Variants in CDH18 observed in about 807,000 individuals in gnomAD.
CDH18 encodes cadherin-18.
In CDH18, 31 loss-of-function variants were observed where a neutral mutation model predicts 67.9. The observed-to-expected ratio is 0.46, with a 90% CI of 0.34 to 0.62. The LOEUF is 0.62. Ranked by LOEUF, CDH18 falls within the 20% of genes least tolerant of loss-of-function variation. The probability of loss-of-function intolerance (pLI) is 0.01; values close to 1 mark genes in which losing one functional copy is unlikely to be tolerated. For synonymous variants in CDH18, 362 were observed against 347.2 expected, an observed-to-expected ratio of 1.04 and a Z score of -0.48; for missense variants, 890 against 975.5, an observed-to-expected ratio of 0.91 and a Z score of 1.17.
In CDH18 at chr5:20,024,489, T is replaced by C. The variant is rs74946331; in HGVS notation, c.-517-32475A>G. On this transcript the variant is annotated intron_variant, in intron 2 of 14. Coordinates refer to the CDH18 transcript ENST00000507958. ...GAGGGAGTGATATTCAGCACATTTT[T>C]AAACTATAGAAACATGTTGGCCAGT... Among the ~76,000 whole-genome samples, 2,681 of 152,206 alleles carry C rather than the reference T, an allele frequency of 0.018. 173 individuals are homozygous for C. The East Asian group carries it at 0.25, about 14-fold the overall frequency.
intron 5 of CDH18, among the ~76,000 whole-genome samples, chr5:19,694,668 TG>T (rs1762315936): frequency 2.0e-5 from 3 of 151,786 alleles, no homozygotes; most frequent in Non-Finnish European, 4.4e-5. Flanking sequence ...TGTGTGTGTG[TG>T]TGTGTGTCTG....
chr5:20,289,815 A>G (rs1458170308), intron 1 of CDH18, among the ~76,000 whole-genome samples: 2 of 152,040 alleles, frequency 1.3e-5, no homozygotes, highest in South Asian at 2.1e-4. Context: ...ATATCTGTCA[A>G]TAGGGTCACC....
chr5:19,956,083 C>T (rs1011720230), intron 2 of CDH18, among the ~76,000 whole-genome samples: 4 of 151,860 alleles, frequency 2.6e-5, no homozygotes, highest in Non-Finnish European at 5.9e-5. Flanking sequence ...TTTATAGTAT[C>T]TTTATTTACA....
intron 2 of CDH18, among the ~76,000 whole-genome samples, chr5:20,246,420 G>C: frequency 6.6e-6 from 1 of 152,002 alleles, no homozygotes; most frequent in South Asian, 2.1e-4. Context: ...TTATTTATTC[G>C]AAACTCTTTT....
intron 2 of CDH18, among the ~76,000 whole-genome samples, chr5:19,930,842 C>G (rs1031307329): frequency 4.6e-5 from 7 of 152,026 alleles, no homozygotes; most frequent in Non-Finnish European, 1.0e-4. Flanking sequence ...AATCAAGAAA[C>G]AGTCAAACTA....
At chr5:19,775,608 C>A (rs1774279198) in intron 3 of CDH18, among the ~76,000 whole-genome samples, 1 of 152,090 alleles carries the variant, frequency 6.6e-6, no homozygotes, top group Admixed American at 6.6e-5. Flanking sequence ...AGTAAAACAG[C>A]ACTAAGCCAT....
intron 1 of CDH18, among the ~76,000 whole-genome samples, chr5:20,453,764 A>C (rs1051910138): frequency 1.3e-5 from 2 of 152,058 alleles, no homozygotes; most frequent in African/African-American, 2.4e-5. Flanking sequence ...ATTAATTTTC[A>C]TATCCTTGAG....
At chr5:20,140,988 T>C (rs1301201301) in intron 2 of CDH18, among the ~76,000 whole-genome samples, 1 of 152,158 alleles carries the variant, frequency 6.6e-6, no homozygotes, top group Non-Finnish European at 1.5e-5. Flanking sequence ...CCACAATGCA[T>C]TTGCACTTGA....
At chr5:20,375,005 T>C (rs949524774) in intron 1 of CDH18, among the ~76,000 whole-genome samples, 1 of 152,200 alleles carries the variant, frequency 6.6e-6, no homozygotes, top group Non-Finnish European at 1.5e-5. Flanking sequence ...ATGAAGCATT[T>C]ATTTTTAAAT....
At chr5:20,538,125 A>T (rs540910521) in intron 1 of CDH18, among the ~76,000 whole-genome samples, 38 of 152,272 alleles carry the variant, frequency 2.5e-4, no homozygotes, top group African/African-American at 9.1e-4. Flanking sequence ...CACCGAAGAG[A>T]CAAATGTCCC....
intron 5 of CDH18, among the ~76,000 whole-genome samples, chr5:19,713,783 A>G (rs1765012514): frequency 6.6e-6 from 1 of 152,124 alleles, no homozygotes; most frequent in Non-Finnish European, 1.5e-5. Flanking sequence ...TTGATATTTC[A>G]TTTAAATCAG....
intron 1 of CDH18, among the ~76,000 whole-genome samples, chr5:20,402,558 T>C (rs1421782269): frequency 1.3e-5 from 2 of 152,210 alleles, no homozygotes; most frequent in Non-Finnish European, 2.9e-5. Flanking sequence ...TTTATTGGTT[T>C]CCCAGTGCAT....
At chr5:20,453,907 A>G (rs973417158) in intron 1 of CDH18, among the ~76,000 whole-genome samples, 3 of 152,178 alleles carry the variant, frequency 2.0e-5, no homozygotes, top group Non-Finnish European at 4.4e-5. Flanking sequence ...AGCCCTGTAC[A>G]TGAAAATATC....
intron 2 of CDH18, among the ~76,000 whole-genome samples, chr5:20,056,680 CTTTTTTTTTTTTT>C (rs397758122): frequency 2.9e-5 from 2 of 70,022 alleles, no homozygotes; most frequent in Non-Finnish European, 5.3e-5. Flanking sequence ...TCTATATTCT[CTTTTTTTTTTTTT>C]TTTTTTTTTT....
At chr5:19,649,063 G>A (rs538525682) in intron 5 of CDH18, among the ~76,000 whole-genome samples, 3 of 152,134 alleles carry the variant, frequency 2.0e-5, no homozygotes, top group South Asian at 2.1e-4. Flanking sequence ...GAAAGAAATC[G>A]ACATGGTAGA....
intron 3 of CDH18, among the ~76,000 whole-genome samples, chr5:19,790,148 A>G (rs1250224647): frequency 1.3e-5 from 2 of 152,048 alleles, no homozygotes; most frequent in African/African-American, 4.8e-5. Flanking sequence ...ATATGCTCAT[A>G]ACACCCCTGC....
At chr5:20,364,849 C>G (rs1742382548) in intron 1 of CDH18, among the ~76,000 whole-genome samples, 1 of 152,054 alleles carries the variant, frequency 6.6e-6, no homozygotes, top group Non-Finnish European at 1.5e-5. Context: ...TTTGGAAAGA[C>G]TGTTAGTAGA....
chr5:20,278,999 C>T (rs1322908964), intron 1 of CDH18, among the ~76,000 whole-genome samples: 2 of 151,890 alleles, frequency 1.3e-5, no homozygotes, highest in Non-Finnish European at 2.9e-5. Context: ...AAAAAGAAGA[C>T]CACAAAACAA....
intron 4 of CDH18, among the ~76,000 whole-genome samples, chr5:19,731,783 G>C (rs558709643): frequency 6.1e-4 from 93 of 152,196 alleles, no homozygotes; most frequent in African/African-American, 2.2e-3. Context: ...GAAAGTAATG[G>C]TGTCACCATC....
Sources: allele counts gnomAD v4.1 joint callset (sites outside exome capture counted in the v4.1 genomes callset), GRCh38; gene constraint gnomAD v4.1.1; transcripts MANE v1.5; gene names NCBI Gene and HGNC (gene_info 2026-07-23, HGNC 2026-07-21).